FMN1: variants seen among roughly 807,000 people sequenced by gnomAD.
The protein encoded by FMN1 is formin-1.
FMN1 carries 110 observed loss-of-function variants against 132.4 expected under a neutral mutation model. The observed-to-expected ratio is 0.83, with a 90% confidence interval of 0.71 to 0.97. The LOEUF is 0.97. Ranked by LOEUF, FMN1 falls within the 50% of genes least tolerant of loss-of-function variation. The pLI, the probability that FMN1 is intolerant of heterozygous loss-of-function variation, is 0.00. For missense variants in FMN1, 1,792 were observed against 1,705.3 expected (o/e 1.05, Z -0.90); for synonymous variants, 722 against 651.7 (o/e 1.11, Z -1.64).
chr15:33,024,223 A>ATTTTTTTTTTTTTTTTTTTTTTTTTTTT (rs555760509), intron 6 of FMN1, among the ~76,000 whole-genome samples: 2 of 87,940 alleles, frequency 2.3e-5, no homozygotes, highest in Non-Finnish European at 4.3e-5. Flanking sequence ...CACCTATCAG[A>ATTTTTTTTTTTTTTTTTTTTTTTTTTTT]TTTTTTTTTT....
intron 17 of FMN1, among the ~76,000 whole-genome samples, chr15:32,824,326 T>C (rs2058312473): frequency 6.6e-6 from 1 of 152,232 alleles, no homozygotes; most frequent in African/African-American, 2.4e-5. Flanking sequence ...GTCCTCTTAG[T>C]GCGTGCTTAC....
intron 9 of FMN1, among the ~76,000 whole-genome samples, chr15:32,958,947 C>G (rs1176735277): frequency 6.7e-6 from 1 of 148,964 alleles, no homozygotes; most frequent in Non-Finnish European, 1.5e-5. Flanking sequence ...GAGGCTGAGG[C>G]AGGACAATCG....
At chr15:32,775,837 A>G (rs549043189) in intron 20 of FMN1, among the ~76,000 whole-genome samples, 1 of 152,324 alleles carries the variant, frequency 6.6e-6, no homozygotes, top group African/African-American at 2.4e-5. Flanking sequence ...GCAAAAAGGT[A>G]CTAATAATCT....
At chr15:33,064,637 T>C (rs554213998) in intron 6 of FMN1, 124 of 200,328 alleles carry the variant, frequency 6.2e-4, no homozygotes, top group Non-Finnish European at 1.0e-3. Flanking sequence ...CACTGCCAGC[T>C]CACAAAATTG....
intron 7 of FMN1, among the ~76,000 whole-genome samples, chr15:32,983,620 A>C (rs890471097): frequency 1.3e-5 from 2 of 152,224 alleles, no homozygotes; most frequent in African/African-American, 4.8e-5. Context: ...ATGTTACATA[A>C]AAGTTGGGCT....
chr15:32,927,989 G>A (rs1453993264), intron 9 of FMN1, among the ~76,000 whole-genome samples: 1 of 152,200 alleles, frequency 6.6e-6, no homozygotes, highest in Non-Finnish European at 1.5e-5. Flanking sequence ...CTTGCTGGTT[G>A]AAAAGTAAGG....
intron 19 of FMN1, among the ~76,000 whole-genome samples, chr15:32,795,597 G>A (rs923531953): frequency 6.6e-6 from 1 of 151,742 alleles, no homozygotes; most frequent in East Asian, 1.9e-4. Context: ...GGGGGTGGGG[G>A]GGTGGCAGGG....
intron 16 of FMN1, among the ~76,000 whole-genome samples, chr15:32,882,665 T>C (rs1406683286): frequency 6.6e-6 from 1 of 152,134 alleles, no homozygotes; most frequent in Non-Finnish European, 1.5e-5. Context: ...CAAGTTAAAT[T>C]AGAATTTCAG....
At chr15:32,969,576 T>G (rs576579651) in intron 7 of FMN1, 99 bp from the exon 8 acceptor site, 2 of 1,308,634 alleles carry the variant, frequency 1.5e-6, no homozygotes, top group African/African-American at 1.5e-5. Context: ...CACTGTAGCA[T>G]GGCCCACATA....
chr15:32,868,519 AACGAC>A (rs1363380883), intron 16 of FMN1, among the ~76,000 whole-genome samples: 1 of 152,240 alleles, frequency 6.6e-6, no homozygotes, highest in Non-Finnish European at 1.5e-5. Context: ...GATATTGCCT[AACGAC>A]ACATTTCTCA....
At chr15:33,042,971 G>A (rs939759136) in intron 6 of FMN1, among the ~76,000 whole-genome samples, 1 of 151,934 alleles carries the variant, frequency 6.6e-6, no homozygotes, top group Non-Finnish European at 1.5e-5. Context: ...AACAAATAAT[G>A]GAAGCGAAAT....
intron 7 of FMN1, among the ~76,000 whole-genome samples, chr15:32,981,110 AT>A (rs905590393): frequency 2.0e-5 from 3 of 151,994 alleles, no homozygotes; most frequent in Non-Finnish European, 2.9e-5. Context: ...TTAAAAGGAA[AT>A]TTTTTTTCAA....
At chr15:33,107,138 A>C (rs1309192140) in intron 4 of FMN1, among the ~76,000 whole-genome samples, 2 of 151,844 alleles carry the variant, frequency 1.3e-5, no homozygotes, top group Non-Finnish European at 2.9e-5. Flanking sequence ...TTCATCCTTG[A>C]GTCCTCTCTT....
chr15:33,140,453 T>C (rs1474296547), intron 4 of FMN1, among the ~76,000 whole-genome samples: 2 of 152,198 alleles, frequency 1.3e-5, no homozygotes, highest in Non-Finnish European at 2.9e-5. Flanking sequence ...GAAGAGCCAC[T>C]GGGGCAAGGA....
chr15:32,936,128 G>A (rs542258001), intron 9 of FMN1, among the ~76,000 whole-genome samples: 2 of 152,118 alleles, frequency 1.3e-5, no homozygotes, highest in South Asian at 2.1e-4. Flanking sequence ...CTGTCATTTT[G>A]TTCATGTATC....
intron 3 of FMN1, among the ~76,000 whole-genome samples, chr15:33,169,484 A>C (rs1183621074): frequency 6.6e-6 from 1 of 152,162 alleles, no homozygotes; most frequent in Non-Finnish European, 1.5e-5. Context: ...TTTGAGACAA[A>C]TGGCTACTGT....
chr15:33,035,211 C>T (rs1477290718), intron 6 of FMN1, among the ~76,000 whole-genome samples: 1 of 152,002 alleles, frequency 6.6e-6, no homozygotes, highest in African/African-American at 2.4e-5. Flanking sequence ...TGAAATGGCT[C>T]TAAACATATT....
At chr15:33,151,208 C>T in intron 4 of FMN1, 1 of 1,529,440 alleles carries the variant, frequency 6.5e-7, no homozygotes, top group Non-Finnish European at 8.7e-7. Flanking sequence ...GGCTGGAGGC[C>T]CTATAGGAAG....
intron 4 of FMN1, chr15:33,151,426 A>G (rs1964434333): frequency 2.6e-6 from 4 of 1,530,094 alleles, no homozygotes; most frequent in Non-Finnish European, 1.8e-6. Context: ...CGGAGAGGCC[A>G]AAGGAACATG....
Sources: gnomAD v4.1 joint callset for allele counts (sites outside exome capture counted in the v4.1 genomes callset) on GRCh38, gnomAD v4.1.1 for gene constraint, MANE v1.5 for transcripts, NCBI Gene and HGNC (gene_info 2026-07-23, HGNC 2026-07-21) for gene names.